The following ASH1L variants were observed in gnomAD, a reference collection of about 807,000 sequenced individuals.
The protein encoded by ASH1L is ASH1 like histone lysine methyltransferase, also known as histone-lysine N-methyltransferase ASH1L.
ASH1L carries 23 observed loss-of-function variants against 269.0 expected under a neutral mutation model. The ratio of observed to expected loss-of-function variants is 0.09; its 90% confidence interval spans 0.06 to 0.12. The LOEUF (loss-of-function observed/expected upper bound fraction) is 0.12. ASH1L is among the 10% of genes least tolerant of loss of function. The pLI, the probability that ASH1L is intolerant of heterozygous loss-of-function variation, is 1.00. For synonymous variants in ASH1L, 1,187 were observed against 1,253.5 expected (o/e 0.95, Z 1.12); for missense variants, 2,912 against 3,567.8 (o/e 0.82, Z 4.68).
chr1:155,562,449 AGCAGAGTGGCGGCGGTGGCG>A lies in ASH1L; in HGVS notation c.-416_-397del. On this transcript the variant is annotated 5_prime_UTR_variant, in exon 1 of 28. Coordinates refer to ENST00000392403, the MANE Select transcript of ASH1L (RefSeq NM_018489.3). ...GAGCGGCGGCGGCGGCGGCGGCAGCAGCAGAGTGGCGGCGGTGGCGGCGGCAGCTCCTCCAGAGGGAGGGA... is the reference window on the plus strand; with the variant it reads ...GAGCGGCGGCGGCGGCGGCGGCAGCAGCGGCAGCTCCTCCAGAGGGAGGGA... 6.8e-7 allele frequency: 1 copy of A among 1,465,180 alleles called. No individual in the cohort carries two copies. The highest frequency in any genetic ancestry group is 9.3e-7 in the Non-Finnish European group (1 of 1,080,920). The allele number at this position is 1,465,180 out of a possible 1,614,324, so 90.8% of individuals were successfully genotyped here. A position where few individuals can be genotyped will look rare whatever the true frequency, so the allele number is the denominator to read the frequency against.
chr1:155,440,224 T>C lies in ASH1L; in HGVS notation c.5087-1156A>G, dbSNP rs759434020. On this transcript the variant is annotated intron_variant, in intron 4 of 27. Transcript: ENST00000392403. ...TCAGGAGGCTGAGGCGGGTGGATTGTTTGAGCCATGGAGTTTGAGGCTGCA... is the reference window on the plus strand; with the variant it reads ...TCAGGAGGCTGAGGCGGGTGGATTGCTTGAGCCATGGAGTTTGAGGCTGCA... Among the ~76,000 whole-genome samples the C allele has an allele frequency of 2.7e-3, 417 of 152,136 alleles. 5 individuals are homozygous for C. The highest frequency in any genetic ancestry group is 6.0e-4 in the Non-Finnish European group (41 of 68,000).
chr1:155,368,377 C>T lies in ASH1L; in HGVS notation c.6686+2127G>A, dbSNP rs529232525. Among the ~76,000 whole-genome samples, 9 of 152,180 alleles carry T rather than the reference C, an allele frequency of 5.9e-5. No individual in the cohort carries two copies. The South Asian group carries it at 1.9e-3, about 32-fold the overall frequency. Reference sequence around the variant, plus strand: ...GTTCTTTTGTTAGATATTTTAGTTACATTTTCAATTTTGGGGGTACATGTG... The same window carrying T: ...GTTCTTTTGTTAGATATTTTAGTTATATTTTCAATTTTGGGGGTACATGTG... On this transcript the variant is annotated intron_variant, in intron 12 of 27. Transcript: ENST00000392403.
chr1:155,486,904 G>A (rs960102060), intron 2 of ASH1L, among the ~76,000 whole-genome samples: 2 of 151,558 alleles, frequency 1.3e-5, no homozygotes, highest in East Asian at 3.9e-4. Flanking sequence ...AGTGGCTCAC[G>A]CCTGTAATCC....
chr1:155,343,687 G>C lies in ASH1L; in HGVS notation c.8037C>G (p.Val2679=), dbSNP rs1322532096. The C allele has an allele frequency of 6.2e-7, 1 of 1,614,174 alleles. No individual in the cohort carries two copies. Among genetic ancestry groups the C allele is most frequent in the Admixed American group, 1.7e-5 (1 of 60,024 alleles). ...GAGATAACAGTCGATAGGACTGACG[G>C]ACCGGGTGGCCATCAGGGGTGCGCC... ...DSRRTPDGHP[V]RQSYRLLSHI... is the part of the protein sequence containing the mutation. Residue 2679 remains valine (V), a synonymous_variant, in exon 23 of 28, where the codon GTC becomes GTG. Transcript: ENST00000392403. This position sits in a 1 kb window ranked among gnomAD's most constrained non-coding sequence, Gnocchi z 6.1.
chr1:155,384,017 T>A (rs946419872), intron 7 of ASH1L, among the ~76,000 whole-genome samples: 41 of 152,204 alleles, frequency 2.7e-4, no homozygotes, highest in Admixed American at 1.0e-3. Flanking sequence ...GGTCTGTGAA[T>A]TGTATCTTAA....
At chr1:155,412,445 A>G (rs1195172184) in intron 6 of ASH1L, among the ~76,000 whole-genome samples, 4 of 152,018 alleles carry the variant, frequency 2.6e-5, no homozygotes, top group Non-Finnish European at 4.4e-5. Flanking sequence ...ACAAAACTCA[A>G]AAAGAAAGGT....
rs1570936969 is a variant in ASH1L, at chr1:155,340,310, G to C, written c.8461-942C>G. Among the ~76,000 whole-genome samples, 4 of 152,164 alleles carry C rather than the reference G, an allele frequency of 2.6e-5. No homozygotes were observed. The South Asian group carries it at 8.3e-4, about 32-fold the overall frequency. On this transcript the variant is annotated intron_variant, in intron 25 of 27. Transcript: ENST00000392403. ...CGATTCTTCTGCCTCAGCCTCCTGA[G>C]TAACTGGGATTACAGGTGCATGCCA...
At chr1:155,461,119 G>A (rs1195274032) in intron 3 of ASH1L, among the ~76,000 whole-genome samples, 1 of 152,128 alleles carries the variant, frequency 6.6e-6, no homozygotes, top group Non-Finnish European at 1.5e-5. Context: ...AAATCAAAAA[G>A]TTGAAGATTT....
intron 6 of ASH1L, 45 bp downstream of exon 6, chr1:155,415,699 A>G: frequency 6.4e-7 from 1 of 1,566,824 alleles, no homozygotes; most frequent in Non-Finnish European, 8.7e-7. Flanking sequence ...ATTTTTCCAA[A>G]TGTGGAAGAA....
intron 5 of ASH1L, among the ~76,000 whole-genome samples, chr1:155,436,297 T>C (rs1662087184): frequency 1.3e-5 from 2 of 151,666 alleles, no homozygotes; most frequent in African/African-American, 4.8e-5. Context: ...GTTCAAGGGA[T>C]TCTCCTGCCT....
chr1:155,499,468 T>G (rs1274634808), intron 2 of ASH1L, among the ~76,000 whole-genome samples: 1 of 152,266 alleles, frequency 6.6e-6, no homozygotes, highest in Non-Finnish European at 1.5e-5. Flanking sequence ...TCAGTGATTT[T>G]GACTCACAAA....
chr1:155,421,288 T>C (rs1660653191), intron 5 of ASH1L, among the ~76,000 whole-genome samples: 1 of 141,206 alleles, frequency 7.1e-6, no homozygotes, highest in African/African-American at 2.6e-5. Context: ...AACTGATCTA[T>C]AGATCTAACA....
chr1:155,397,458 T>C (rs1238426858), intron 6 of ASH1L, among the ~76,000 whole-genome samples: 1 of 151,494 alleles, frequency 6.6e-6, no homozygotes, highest in Non-Finnish European at 1.5e-5. Context: ...GATTGTGCCA[T>C]TGTACTACAG....
rs191114694 is a variant in ASH1L, at chr1:155,366,874, T to C, written c.6686+3630A>G. Among the ~76,000 whole-genome samples the C allele has an allele frequency of 1.4e-4, 22 of 152,092 alleles. No homozygotes were observed. The East Asian group carries it at 4.3e-3, about 29-fold the overall frequency. The stretch of plus-strand genomic sequence containing the variant: ...TTAAGTAGAGACAGGGTTTCAGTCA[T>C]CATGTTGGCTAGGGTGGTCTCGAAC... On this transcript the variant is annotated intron_variant, in intron 12 of 27. Transcript: ENST00000392403.
chr1:155,432,188 C>T (rs1032209920), intron 5 of ASH1L, among the ~76,000 whole-genome samples: 7 of 152,150 alleles, frequency 4.6e-5, no homozygotes, highest in Non-Finnish European at 8.8e-5. Flanking sequence ...AGCTTTCTTT[C>T]GCTTGCCTGA....
At chr1:155,398,922 G>A (rs1249373359) in intron 6 of ASH1L, among the ~76,000 whole-genome samples, 1 of 151,916 alleles carries the variant, frequency 6.6e-6, no homozygotes, top group African/African-American at 2.4e-5. Flanking sequence ...TTGTAGACAC[G>A]GTGTTTCACC....
At position 155,562,193 on chromosome 1, in the gene ASH1L, G is replaced by A. The variant is rs750092930; in HGVS notation, c.-140C>T. 11 of 1,606,856 alleles carry A rather than the reference G, an allele frequency of 6.8e-6. No individual in the cohort carries two copies. Among genetic ancestry groups the A allele is most frequent in the East Asian group, 2.2e-5 (1 of 44,818 alleles). ...GGCCGAGGCCGAGAGCGATGAGAGT[G>A]CAGGGAAGTGGGGAAGAGGGGGTGG... On this transcript the variant is annotated 5_prime_UTR_variant, in exon 1 of 28. Coordinates refer to ENST00000392403, the MANE Select transcript of ASH1L (RefSeq NM_018489.3).
At chr1:155,541,576 A>G (rs1670432694) in intron 1 of ASH1L, among the ~76,000 whole-genome samples, 1 of 152,214 alleles carries the variant, frequency 6.6e-6, no homozygotes, top group Non-Finnish European at 1.5e-5. Context: ...TTACAAAGTT[A>G]GACAAATTTT....
intron 6 of ASH1L, among the ~76,000 whole-genome samples, chr1:155,414,601 T>C (rs1660058894): frequency 6.6e-6 from 1 of 151,942 alleles, no homozygotes; most frequent in Admixed American, 6.6e-5. Context: ...GAGCCACCAC[T>C]CCCATCCAAA....
Sources: allele counts gnomAD v4.1 joint callset (sites outside exome capture counted in the v4.1 genomes callset), GRCh38; gene constraint gnomAD v4.1.1; non-coding constraint Gnocchi (gnomAD v3.1); transcripts MANE v1.5; gene names NCBI Gene and HGNC (gene_info 2026-07-23, HGNC 2026-07-21).